Variants in NFIA observed in about 807,000 individuals in gnomAD.
The protein encoded by NFIA is nuclear factor 1 A-type.
NFIA carries 8 observed loss-of-function variants against 62.8 expected under a neutral mutation model. The ratio of observed to expected loss-of-function variants is 0.13; its 90% CI spans 0.07 to 0.23. The LOEUF is 0.23. Ranked by LOEUF, NFIA falls within the 10% of genes least tolerant of loss-of-function variation. The pLI, the probability that NFIA is intolerant of heterozygous loss-of-function variation, is 1.00. For synonymous variants in NFIA, 235 were observed against 238.1 expected (o/e 0.99, Z 0.12); for missense variants, 410 against 642.1 (o/e 0.64, Z 3.91).
Position 61,234,658 on chromosome 1 carries a change from C to G in NFIA, c.560-42862C>G, listed in dbSNP as rs370057347. Among the ~76,000 whole-genome samples the G allele has an allele frequency of 4.6e-5, 7 of 152,188 alleles. No homozygotes were observed. In the South Asian group the frequency reaches 1.0e-3, roughly 23 times the overall value. ...TCCCAGCAAGAGATGCAGTATTTAACTACTTTAGGCAAAAAAAAGGTTGTG... is the reference window on the plus strand; with the variant it reads ...TCCCAGCAAGAGATGCAGTATTTAAGTACTTTAGGCAAAAAAAAGGTTGTG... On this transcript the variant is annotated intron_variant, in intron 2 of 10. Coordinates refer to ENST00000403491, the MANE Select transcript of NFIA (RefSeq NM_001134673.4).
At chr1:61,281,490 C>T (rs1408255178) in intron 3 of NFIA, among the ~76,000 whole-genome samples, 1 of 152,172 alleles carries the variant, frequency 6.6e-6, no homozygotes, top group African/African-American at 2.4e-5. Context: ...TTAGAGACAT[C>T]TTTAGTGGGT....
intron 3 of NFIA, among the ~76,000 whole-genome samples, chr1:61,306,420 C>T (rs557339963): frequency 8.6e-5 from 13 of 151,754 alleles, no homozygotes; most frequent in Admixed American, 2.0e-4. Context: ...GGACTACAGG[C>T]GCACACCACC....
chr1:61,378,854 C>T (rs1367341858), intron 6 of NFIA, among the ~76,000 whole-genome samples: 5 of 152,180 alleles, frequency 3.3e-5, no homozygotes, highest in Non-Finnish European at 7.3e-5. Context: ...TCCCAGAGGC[C>T]CCTGCAGTTC....
rs533844913 is a variant in NFIA, at chr1:61,087,553, T to G, written c.28-596T>G. Among the ~76,000 whole-genome samples, 3 of 152,302 alleles carry G rather than the reference T, an allele frequency of 2.0e-5. No homozygotes were observed. The South Asian group carries it at 6.2e-4, about 32-fold the overall frequency. ...AAAAAAATTATATGTAGTTATAATA[T>G]TTAAAAGGGGAATTTAGACACTAGC... On this transcript the variant is annotated intron_variant, in intron 1 of 10. Transcript: ENST00000403491.
chr1:61,199,452 AT>A (rs1652264275), intron 2 of NFIA, among the ~76,000 whole-genome samples: 1 of 152,140 alleles, frequency 6.6e-6, no homozygotes, highest in Non-Finnish European at 1.5e-5. Context: ...TAACACTCTC[AT>A]TTTAGAGATG....
At chr1:61,172,634 A>G (rs1269370906) in intron 2 of NFIA, among the ~76,000 whole-genome samples, 1 of 152,196 alleles carries the variant, frequency 6.6e-6, no homozygotes, top group East Asian at 1.9e-4. Context: ...AGACTAGGGA[A>G]GGTCAGCTCT....
intron 2 of NFIA, among the ~76,000 whole-genome samples, chr1:61,177,861 C>G (rs1650496876): frequency 6.6e-6 from 1 of 152,202 alleles, no homozygotes; most frequent in Admixed American, 6.5e-5. Context: ...TTTGCCTTTT[C>G]TCCCACACAG....
At chr1:61,324,911 A>G (rs1326570594) in intron 3 of NFIA, among the ~76,000 whole-genome samples, 1 of 152,230 alleles carries the variant, frequency 6.6e-6, no homozygotes, top group Non-Finnish European at 1.5e-5. Flanking sequence ...ACTCCAAGGT[A>G]TTGAAGTCTG....
intron 3 of NFIA, among the ~76,000 whole-genome samples, chr1:61,282,335 T>G (rs1172719864): frequency 6.6e-6 from 1 of 152,218 alleles, no homozygotes; most frequent in African/African-American, 2.4e-5. Flanking sequence ...GAATCTGGCT[T>G]TTCCAGAGCT....
At chr1:61,240,018 A>G (rs182332341) in intron 2 of NFIA, among the ~76,000 whole-genome samples, 3 of 152,230 alleles carry the variant, frequency 2.0e-5, no homozygotes, top group Admixed American at 2.0e-4. Context: ...CTCTGCAGAT[A>G]CTGTCATTCA....
chr1:61,352,820 GAC>G (rs1662626804), intron 5 of NFIA, among the ~76,000 whole-genome samples: 1 of 151,900 alleles, frequency 6.6e-6, no homozygotes, highest in Non-Finnish European at 1.5e-5. Context: ...TAAATTGTGT[GAC>G]ACAGGCTAAA....
At chr1:61,208,862 C>G (rs182208246) in intron 2 of NFIA, among the ~76,000 whole-genome samples, 1 of 152,066 alleles carries the variant, frequency 6.6e-6, no homozygotes, top group African/African-American at 2.4e-5. Context: ...TTAAAAAGGG[C>G]TCAGACGTGA....
intron 2 of NFIA, among the ~76,000 whole-genome samples, chr1:61,171,054 T>A (rs1649933706): frequency 6.6e-6 from 1 of 152,240 alleles, no homozygotes; most frequent in African/African-American, 2.4e-5. Flanking sequence ...CCTACACGGC[T>A]GCTTGTGTTA....
chr1:61,297,965 T>A (rs1659281123), intron 3 of NFIA, among the ~76,000 whole-genome samples: 1 of 152,058 alleles, frequency 6.6e-6, no homozygotes, highest in Admixed American at 6.6e-5. Context: ...CCAAGTAGTG[T>A]GGTATGGCCT....
intron 2 of NFIA, among the ~76,000 whole-genome samples, chr1:61,193,577 C>T (rs1447416467): frequency 6.6e-6 from 1 of 152,144 alleles, no homozygotes; most frequent in African/African-American, 2.4e-5. Context: ...TTGTAGGTGC[C>T]TTTCAGTGTA....
At chr1:61,260,822 T>C (rs1656722394) in intron 2 of NFIA, among the ~76,000 whole-genome samples, 1 of 152,164 alleles carries the variant, frequency 6.6e-6, no homozygotes, top group South Asian at 2.1e-4. Context: ...CCTCATGATC[T>C]GCCCACCTCG....
chr1:61,268,983 G>A (rs1185270252), intron 2 of NFIA, among the ~76,000 whole-genome samples: 2 of 151,998 alleles, frequency 1.3e-5, no homozygotes, highest in Non-Finnish European at 2.9e-5. Context: ...TCGTTGTTTG[G>A]GAAGCTTCTG....
chr1:61,157,663 G>A (rs573017003), intron 2 of NFIA, among the ~76,000 whole-genome samples: 1 of 152,302 alleles, frequency 6.6e-6, no homozygotes, highest in East Asian at 1.9e-4. Flanking sequence ...AGCAGAGTGA[G>A]CTGGCTGTGG....
rs553203361 is a variant in NFIA at position 61,217,267 on chromosome 1, A to G, written c.560-60253A>G. ...GTATTTTTAGTAGAGACGGGGTTTC[A>G]CCACATTGGTCAGGCTGGTCTTGAA... On this transcript the variant is annotated intron_variant, in intron 2 of 10. Transcript: ENST00000403491. Among the ~76,000 whole-genome samples, 3 of 149,934 alleles carry G rather than the reference A, an allele frequency of 2.0e-5. No individual in the cohort carries two copies. The South Asian group carries it at 6.3e-4, about 32-fold the overall frequency.
Sources: gnomAD v4.1 joint callset for allele counts (sites outside exome capture counted in the v4.1 genomes callset) on GRCh38, gnomAD v4.1.1 for gene constraint, MANE v1.5 for transcripts, NCBI Gene and HGNC (gene_info 2026-07-23, HGNC 2026-07-21) for gene names.